Variants in DGKB observed in about 807,000 individuals in gnomAD.
DGKB encodes the protein diacylglycerol kinase beta, also known as 90 kDa diacylglycerol kinase.
DGKB carries 67 observed loss-of-function variants against 114.3 expected under a neutral mutation model. That is an observed-to-expected ratio of 0.59 (90% CI 0.48 to 0.72). The LOEUF is 0.72. Among genes scored for constraint, DGKB ranks in the 30% least tolerant of loss-of-function variants. The probability of loss-of-function intolerance (pLI) is 0.00; values close to 1 mark genes in which losing one functional copy is unlikely to be tolerated. For synonymous variants in DGKB, 398 were observed against 323.1 expected (o/e 1.23, Z -2.49); for missense variants, 907 against 975.2 (o/e 0.93, Z 0.93).
At chr7:14,724,110 T>C (rs1413046411) in intron 5 of DGKB, among the ~76,000 whole-genome samples, 1 of 152,192 alleles carries the variant, frequency 6.6e-6, no homozygotes, top group Admixed American at 6.5e-5. Context: ...CATTTCTAAA[T>C]TTATAAGGCA....
At chr7:14,285,137 C>A (rs1018400868) in intron 23 of DGKB, among the ~76,000 whole-genome samples, 1 of 152,108 alleles carries the variant, frequency 6.6e-6, no homozygotes, top group African/African-American at 2.4e-5. Flanking sequence ...TACATTGAAT[C>A]AAAAATAACA....
chr7:14,161,907 A>G (rs1430910974), intron 25 of DGKB, among the ~76,000 whole-genome samples: 1 of 152,192 alleles, frequency 6.6e-6, no homozygotes, highest in Non-Finnish European at 1.5e-5. Context: ...TAAAAATAAT[A>G]AACTATGATA....
chr7:14,867,058 C>T lies in DGKB; in HGVS notation c.-187-25608G>A, dbSNP rs138974044. Among the ~76,000 whole-genome samples, 183 of 152,208 alleles carry T rather than the reference C, an allele frequency of 1.2e-3. 1 individual carries two copies. The highest frequency in any genetic ancestry group is 4.2e-3 in the African/African-American group (174 of 41,544). On this transcript the variant is annotated intron_variant, in intron 1 of 25. Coordinates refer to ENST00000402815, the MANE Select transcript of DGKB (RefSeq NM_001350709.2). ...GTTAAGTGTCTGCTAAAGTCTTTGGCCCATTTTTAATTGAGTTATTCGTTT... is the reference window on the plus strand; with the variant it reads ...GTTAAGTGTCTGCTAAAGTCTTTGGTCCATTTTTAATTGAGTTATTCGTTT...
chr7:14,426,731 C>T (rs1464704862), intron 21 of DGKB, among the ~76,000 whole-genome samples: 7 of 152,026 alleles, frequency 4.6e-5, no homozygotes, highest in Non-Finnish European at 1.0e-4. Context: ...AATTTGTGTA[C>T]TTAGTTCCAC....
At chr7:14,233,033 A>G (rs1318112702) in intron 23 of DGKB, among the ~76,000 whole-genome samples, 2 of 152,100 alleles carry the variant, frequency 1.3e-5, no homozygotes, top group African/African-American at 4.8e-5. Context: ...AGACTATTCA[A>G]GCTTATTATT....
chr7:14,480,554 G>T (rs1393202871), intron 20 of DGKB, among the ~76,000 whole-genome samples: 1 of 151,986 alleles, frequency 6.6e-6, no homozygotes, highest in Non-Finnish European at 1.5e-5. Context: ...AGACACCAAA[G>T]GTTCTCTAAA....
chr7:14,298,100 G>C (rs1238976589), intron 23 of DGKB, among the ~76,000 whole-genome samples: 1 of 152,156 alleles, frequency 6.6e-6, no homozygotes, highest in Non-Finnish European at 1.5e-5. Context: ...TGGATAGGAA[G>C]AATCAATATT....
intron 20 of DGKB, among the ~76,000 whole-genome samples, chr7:14,545,115 T>G (rs1258088636): frequency 6.6e-6 from 1 of 152,148 alleles, no homozygotes; most frequent in Non-Finnish European, 1.5e-5. Flanking sequence ...TTTTCTAAAA[T>G]TTTGTTTTCT....
At chr7:14,958,426 AACACACACACAC>A (rs754087921) in intron 1 of DGKB, among the ~76,000 whole-genome samples, 4,489 of 122,846 alleles carry the variant, frequency 0.037, 111 homozygotes, top group Middle Eastern at 0.06. Flanking sequence ...TACCTCTCCC[AACACACACACAC>A]ACACACACAC....
chr7:14,638,406 C>T lies in DGKB; in HGVS notation c.1135-8138G>A, dbSNP rs115620437. Among the ~76,000 whole-genome samples, 651 of 152,180 alleles carry T rather than the reference C, an allele frequency of 4.3e-3. 5 individuals carry two copies. Among genetic ancestry groups the T allele is most frequent in the African/African-American group, 0.014 (602 of 41,526 alleles). The stretch of plus-strand genomic sequence containing the variant: ...TTACCAATGATTTTTTAAAACCAAG[C>T]CTCCTTGTTATATATTTGTTTTAAT... On this transcript the variant is annotated intron_variant, in intron 13 of 25. Coordinates refer to ENST00000402815, the MANE Select transcript of DGKB (RefSeq NM_001350709.2).
Position 14,149,718 on chromosome 7 carries a change from A to G in DGKB, c.2305-480T>C, listed in dbSNP as rs190429767. Among the ~76,000 whole-genome samples, 468 of 152,280 alleles carry G rather than the reference A, an allele frequency of 3.1e-3. 5 individuals are homozygous for G. Among genetic ancestry groups the G allele is most frequent in the African/African-American group, 0.011 (440 of 41,562 alleles). On this transcript the variant is annotated intron_variant, in intron 25 of 25. Coordinates refer to ENST00000402815, the MANE Select transcript of DGKB (RefSeq NM_001350709.2). ...GCTAATCAGATTGTTTCTCTCTTTC[A>G]ACATGAACTGCAAGGCTTAATTTCC...
At chr7:14,491,852 AAATT>A (rs1413392311) in intron 20 of DGKB, among the ~76,000 whole-genome samples, 7 of 152,090 alleles carry the variant, frequency 4.6e-5, no homozygotes, top group African/African-American at 1.7e-4. Flanking sequence ...TCAAATCAGT[AAATT>A]AATAGCTTAA....
chr7:14,854,329 G>T (rs567834583), intron 1 of DGKB, among the ~76,000 whole-genome samples: 1 of 152,220 alleles, frequency 6.6e-6, no homozygotes, highest in East Asian at 1.9e-4. Context: ...GACTAAATCT[G>T]TTGTGTAAGA....
intron 23 of DGKB, among the ~76,000 whole-genome samples, chr7:14,336,172 G>A (rs1248019828): frequency 6.6e-6 from 1 of 152,106 alleles, no homozygotes; most frequent in Admixed American, 6.6e-5. Flanking sequence ...TAACATTGAA[G>A]AATTAGCAGA....
intron 2 of DGKB, among the ~76,000 whole-genome samples, chr7:14,785,960 C>T (rs966097792): frequency 1.3e-5 from 2 of 151,376 alleles, no homozygotes; most frequent in South Asian, 2.1e-4. Flanking sequence ...GTTTTTATTC[C>T]ATAAGCTTAA....
At position 14,145,870 on chromosome 7, in the gene DGKB, A is replaced by C. The variant is rs1323572911; in HGVS notation, c.*3261T>G. The C allele has an allele frequency of 6.6e-6, 1 of 152,364 alleles. No individual in the cohort carries two copies. The highest frequency in any genetic ancestry group is 1.5e-5 in the Non-Finnish European group (1 of 68,034). 9.4% of individuals were successfully genotyped at this position (152,364 alleles called of 1,614,324 possible). On this transcript the variant is annotated 3_prime_UTR_variant, in exon 26 of 26. Coordinates refer to ENST00000402815, the MANE Select transcript of DGKB (RefSeq NM_001350709.2). ...ATACAGTGTGAGATTCAAGGAGAAT[A>C]CAGTGTGAGATTCAAAACATATTCT...
chr7:14,661,434 G>A (rs1457782547), intron 13 of DGKB, among the ~76,000 whole-genome samples: 2 of 137,198 alleles, frequency 1.5e-5, no homozygotes, highest in African/African-American at 5.3e-5. Context: ...CATTTATGCA[G>A]CCAAAAAACA....
chr7:14,334,713 T>C (rs1201141489), intron 23 of DGKB, among the ~76,000 whole-genome samples: 1 of 152,068 alleles, frequency 6.6e-6, no homozygotes, highest in Admixed American at 6.6e-5. Flanking sequence ...AACCTCTACT[T>C]TCATCTGCAA....
chr7:14,170,575 G>C (rs1389826325), intron 25 of DGKB, among the ~76,000 whole-genome samples: 1 of 152,096 alleles, frequency 6.6e-6, no homozygotes. Flanking sequence ...GCTGGGTCTT[G>C]AAAAACTTAA....
Sources: gnomAD v4.1 joint callset for allele counts (sites outside exome capture counted in the v4.1 genomes callset) on GRCh38, gnomAD v4.1.1 for gene constraint, MANE v1.5 for transcripts, NCBI Gene and HGNC (gene_info 2026-07-23, HGNC 2026-07-21) for gene names.